RPA1: variants seen among roughly 807,000 people sequenced by gnomAD.
RPA1 encodes the protein replication protein A 70 kDa DNA-binding subunit.
RPA1 carries 49 observed loss-of-function variants against 83.0 expected under a neutral mutation model. That is an observed-to-expected ratio of 0.59 (90% confidence interval 0.47 to 0.75). The LOEUF (loss-of-function observed/expected upper bound fraction) is 0.75, where lower values mean the gene tolerates loss of function less well. Ranked by LOEUF, RPA1 falls within the 30% of genes least tolerant of loss-of-function variation. The probability of loss-of-function intolerance (pLI) is 0.00; values close to 1 mark genes in which losing one functional copy is unlikely to be tolerated. For missense variants in RPA1, 693 were observed against 776.1 expected (o/e 0.89, Z 1.27); for synonymous variants, 279 against 281.8 (o/e 0.99, Z 0.10).
chr17:1,859,735 A>G (rs1222727421), intron 5 of RPA1, among the ~76,000 whole-genome samples: 1 of 151,984 alleles, frequency 6.6e-6, no homozygotes, highest in East Asian at 1.9e-4. Context: ...GGCTCAAGCA[A>G]TCCTCCCACC....
chr17:1,846,968 C>G (rs1912287862), intron 4 of RPA1, among the ~76,000 whole-genome samples: 1 of 151,952 alleles, frequency 6.6e-6, no homozygotes, highest in African/African-American at 2.4e-5. Flanking sequence ...TCTTCTTAGT[C>G]TCTTGTTTTA....
At chr17:1,858,322 A>G (rs1175783129) in intron 5 of RPA1, 22 of 1,608,964 alleles carry the variant, frequency 1.4e-5, no homozygotes, top group East Asian at 6.7e-5. Flanking sequence ...ACTCAAAGCA[A>G]TACCAGTGCC....
At chr17:1,838,620 A>G (rs980805341) in intron 1 of RPA1, among the ~76,000 whole-genome samples, 3 of 151,446 alleles carry the variant, frequency 2.0e-5, no homozygotes, top group Non-Finnish European at 4.4e-5. Flanking sequence ...AAAAAAAAAA[A>G]AGAAATCTTT....
chr17:1,882,539 G>C (rs972519409), intron 12 of RPA1, among the ~76,000 whole-genome samples: 2 of 151,892 alleles, frequency 1.3e-5, no homozygotes, highest in African/African-American at 4.8e-5. Flanking sequence ...TACTCGGTGC[G>C]TGCCTGTAGT....
intron 5 of RPA1, among the ~76,000 whole-genome samples, chr17:1,863,433 G>A (rs1171332155): frequency 6.6e-6 from 1 of 151,812 alleles, no homozygotes; most frequent in East Asian, 1.9e-4. Flanking sequence ...GGCTGGTCTC[G>A]AACTCCTGAC....
At chr17:1,838,753 G>A (rs1485622078) in intron 1 of RPA1, among the ~76,000 whole-genome samples, 1 of 152,088 alleles carries the variant, frequency 6.6e-6, no homozygotes, top group African/African-American at 2.4e-5. Flanking sequence ...ATGATATATA[G>A]CTCTTTTTTA....
chr17:1,867,886 C>G (rs994562337), intron 5 of RPA1, among the ~76,000 whole-genome samples: 5 of 151,780 alleles, frequency 3.3e-5, no homozygotes, highest in African/African-American at 1.2e-4. Flanking sequence ...AAAGATCAGC[C>G]TGGGTAGCTG....
chr17:1,872,706 G>A (rs1913418662), intron 6 of RPA1, among the ~76,000 whole-genome samples, 180 bp downstream of exon 6: 1 of 126,544 alleles, frequency 7.9e-6, no homozygotes, highest in Non-Finnish European at 1.6e-5. Context: ...ATTAAAGATT[G>A]TCTTTTTTTT....
chr17:1,895,660 TA>T (rs1180934068), intron 16 of RPA1, among the ~76,000 whole-genome samples: 1 of 3,018 alleles, frequency 3.3e-4, no homozygotes, highest in Non-Finnish European at 1.9e-3. Flanking sequence ...TACCATATAG[TA>T]TTTATTTATT....
At chr17:1,896,434 G>A (rs1455997179) in intron 16 of RPA1, among the ~76,000 whole-genome samples, 1 of 148,790 alleles carries the variant, frequency 6.7e-6, no homozygotes, top group Non-Finnish European at 1.5e-5. Context: ...GTTTACTCAC[G>A]TATTTACCTT....
At position 1,875,738 on chromosome 17, in the gene RPA1, G is replaced by A; in HGVS notation, c.532G>A (p.Gly178Arg). Residue 178 changes from glycine to arginine, a missense_variant, in exon 7 of 17, where the codon GGG becomes AGG. Transcript: ENST00000254719. ...AAGPSLSHTSGGTQSKVVPIA... is the reference protein window; with the variant it reads ...AAGPSLSHTSRGTQSKVVPIA... ...AGGTCCCAGCCTGTCACACACTTCT[G>A]GGGGAACACAGTCCAAAGTGGTGCC... The A allele has an allele frequency of 6.2e-7, 1 of 1,614,116 alleles. No individual in the cohort carries two copies. Among genetic ancestry groups the A allele is most frequent in the South Asian group, 1.1e-5 (1 of 91,084 alleles).
chr17:1,888,009 A>T (rs1914059732), intron 13 of RPA1, among the ~76,000 whole-genome samples: 1 of 152,192 alleles, frequency 6.6e-6, no homozygotes, highest in African/African-American at 2.4e-5. Flanking sequence ...TACTTGACCC[A>T]GGGGTGCCAC....
intron 16 of RPA1, among the ~76,000 whole-genome samples, chr17:1,895,930 C>T (rs1332364522): frequency 1.3e-5 from 2 of 152,028 alleles, no homozygotes; most frequent in Non-Finnish European, 2.9e-5. Context: ...ATGATCCACC[C>T]GCCTCAGCCT....
At chr17:1,866,866 T>G (rs1383160437) in intron 5 of RPA1, among the ~76,000 whole-genome samples, 2 of 152,266 alleles carry the variant, frequency 1.3e-5, no homozygotes, top group Non-Finnish European at 2.9e-5. Context: ...CAACTTGGAA[T>G]GTGCGGGTTT....
chr17:1,830,294 C>T (rs946100677), intron 1 of RPA1, among the ~76,000 whole-genome samples, 168 bp downstream of exon 1: 2 of 152,172 alleles, frequency 1.3e-5, no homozygotes, highest in Non-Finnish European at 2.9e-5. Context: ...GTCATCGCCC[C>T]CTCCTCAAAG....
intron 12 of RPA1, among the ~76,000 whole-genome samples, chr17:1,881,297 G>A (rs186373648): frequency 2.6e-5 from 4 of 152,246 alleles, no homozygotes; most frequent in Admixed American, 6.5e-5. Context: ...TGTGGTCAGG[G>A]AAAACACTTT....
chr17:1,880,780 C>T, intron 12 of RPA1, 89 bp downstream of exon 12: 1 of 1,540,554 alleles, frequency 6.5e-7, no homozygotes, highest in Non-Finnish European at 8.8e-7. Context: ...TTCTGCCAAG[C>T]AGAAGCCTTC....
At chr17:1,873,080 T>A (rs1477965419) in intron 6 of RPA1, among the ~76,000 whole-genome samples, 1 of 152,238 alleles carries the variant, frequency 6.6e-6, no homozygotes, top group Non-Finnish European at 1.5e-5. Flanking sequence ...GTTTCCCACA[T>A]CATCAGGTTT....
chr17:1,873,873 G>A (rs1913469961), intron 6 of RPA1, among the ~76,000 whole-genome samples: 1 of 150,816 alleles, frequency 6.6e-6, no homozygotes, highest in Non-Finnish European at 1.5e-5. Context: ...TGCACCTGTA[G>A]TCCCAGCTAC....
Sources: allele counts gnomAD v4.1 joint callset (sites outside exome capture counted in the v4.1 genomes callset), GRCh38; gene constraint gnomAD v4.1.1; transcripts MANE v1.5; gene names NCBI Gene and HGNC (gene_info 2026-07-23, HGNC 2026-07-21).